Variants in IL1RAPL1 observed in about 807,000 individuals in gnomAD.
IL1RAPL1 encodes the protein interleukin 1 receptor accessory protein like 1.
Under a neutral mutation model 48.4 loss-of-function variants are expected in IL1RAPL1, and 3 were observed. That is an observed-to-expected ratio of 0.06 (90% CI 0.03 to 0.16). The LOEUF is 0.16. Among genes scored for constraint, IL1RAPL1 ranks in the 10% least tolerant of loss-of-function variants. The pLI is 1.00. For synonymous variants in IL1RAPL1, 185 were observed against 187.7 expected, an observed-to-expected ratio of 0.99 and a Z score of 0.12; for missense variants, 349 against 530.6, an observed-to-expected ratio of 0.66 and a Z score of 3.36.
At chrX:29,075,729 G>A (rs1458041049) in intron 2 of IL1RAPL1, among the ~76,000 whole-genome samples, 39 of 111,138 alleles carry the variant, frequency 3.5e-4, no homozygotes, top group Non-Finnish European at 1.5e-4. Flanking sequence ...TGGATACAAT[G>A]GTCATTTTGA....
chrX:29,635,795 GAAAA>G (rs199689857), intron 5 of IL1RAPL1, among the ~76,000 whole-genome samples: 34 of 97,803 alleles, frequency 3.5e-4, no homozygotes, highest in African/African-American at 1.2e-3. Context: ...GATGCTTCCG[GAAAA>G]AAAAAAAAAC....
intron 5 of IL1RAPL1, among the ~76,000 whole-genome samples, chrX:29,632,742 G>T (rs759014838): frequency 9.0e-6 from 1 of 111,065 alleles, no homozygotes; most frequent in Non-Finnish European, 1.9e-5. Context: ...GGAGTAGAAA[G>T]GAATCATGTC....
chrX:29,643,942 G>A (rs1342306639), intron 5 of IL1RAPL1, among the ~76,000 whole-genome samples: 1 of 111,813 alleles, frequency 8.9e-6, no homozygotes, highest in Non-Finnish European at 1.9e-5. Context: ...TCACTTAAAC[G>A]TCACAACAGG....
chrX:29,350,191 TTATATATATATATATATA>T lies in IL1RAPL1; in HGVS notation c.363-46051_363-46034del, dbSNP rs397897010. On this transcript the variant is annotated intron_variant, in intron 3 of 10. Coordinates refer to ENST00000378993, the MANE Select transcript of IL1RAPL1 (RefSeq NM_014271.4). ...CTCCCTTGGTCTACATACTGTTATT[TTATATATATATATATATA>T]TATATATATATATATGCTAAAATCA... Among the ~76,000 whole-genome samples, 19 of 39,432 alleles carry T rather than the reference TTATATATATATATATATA, an allele frequency of 4.8e-4. 1 individual carries two copies. The highest frequency in any genetic ancestry group is 3.3e-3 in the African/African-American group (19 of 5,754). 34.2% of individuals were successfully genotyped at this position (39,432 alleles called of 115,157 possible). A position where few individuals can be genotyped will look rare whatever the true frequency, so the allele number is the denominator to read the frequency against.
intron 9 of IL1RAPL1, among the ~76,000 whole-genome samples, chrX:29,942,360 C>G: frequency 9.0e-6 from 1 of 110,991 alleles, no homozygotes. Context: ...CATAGTAATG[C>G]ATCTCATATT....
intron 1 of IL1RAPL1, among the ~76,000 whole-genome samples, chrX:28,760,328 A>T (rs1006700970): frequency 1.8e-5 from 2 of 112,093 alleles, no homozygotes; most frequent in Non-Finnish European, 3.8e-5. Flanking sequence ...CTTGATTTTT[A>T]TTGAATAATA....
At chrX:29,490,542 C>CA (rs772987034) in intron 5 of IL1RAPL1, among the ~76,000 whole-genome samples, 1 of 110,848 alleles carries the variant, frequency 9.0e-6, no homozygotes, top group South Asian at 3.7e-4. Flanking sequence ...AAAACAAAAA[C>CA]AAAAAAAGAT....
chrX:29,481,869 G>A (rs915212325), intron 5 of IL1RAPL1, among the ~76,000 whole-genome samples: 3 of 111,717 alleles, frequency 2.7e-5, no homozygotes, highest in African/African-American at 6.5e-5. Flanking sequence ...GCCATTGGAA[G>A]TAATGGCAAA....
chrX:29,156,673 C>T (rs1265504507), intron 2 of IL1RAPL1, among the ~76,000 whole-genome samples: 1 of 111,643 alleles, frequency 9.0e-6, no homozygotes, highest in Non-Finnish European at 1.9e-5. Context: ...TGCTCAGTTG[C>T]AAGTCATCAC....
intron 1 of IL1RAPL1, among the ~76,000 whole-genome samples, chrX:28,617,277 C>T (rs1030870866): frequency 1.8e-5 from 2 of 111,444 alleles, no homozygotes; most frequent in African/African-American, 6.5e-5. Context: ...CACCCCCATG[C>T]CATTCCTATC....
intron 1 of IL1RAPL1, among the ~76,000 whole-genome samples, chrX:28,693,464 C>T (rs1019509316): frequency 1.8e-5 from 2 of 112,129 alleles, no homozygotes; most frequent in African/African-American, 3.2e-5. Context: ...ATGTACTGTC[C>T]ATCCAAATTG....
chrX:28,742,222 A>G (rs1202214410), intron 1 of IL1RAPL1, among the ~76,000 whole-genome samples: 2 of 111,283 alleles, frequency 1.8e-5, no homozygotes, highest in Admixed American at 9.6e-5. Flanking sequence ...AAACAAATTA[A>G]AATACCAGTA....
chrX:28,596,643 G>T (rs1933958810), intron 1 of IL1RAPL1, among the ~76,000 whole-genome samples: 1 of 111,479 alleles, frequency 9.0e-6, no homozygotes, highest in African/African-American at 3.3e-5. Context: ...ATATAAAATG[G>T]TCTCGTATTT....
chrX:29,679,549 C>T (rs749803295), intron 6 of IL1RAPL1, among the ~76,000 whole-genome samples: 3 of 111,566 alleles, frequency 2.7e-5, no homozygotes, highest in Non-Finnish European at 5.6e-5. Context: ...GATTAAAAGA[C>T]TTAAACAAGA....
intron 3 of IL1RAPL1, among the ~76,000 whole-genome samples, chrX:29,293,602 A>G (rs1438422507): frequency 4.5e-5 from 5 of 111,682 alleles, no homozygotes; most frequent in Middle Eastern, 4.6e-3. Flanking sequence ...ATGAATCACC[A>G]TAGGCCCTTT....
intron 5 of IL1RAPL1, among the ~76,000 whole-genome samples, chrX:29,416,463 G>T (rs764414188): frequency 4.5e-5 from 5 of 111,001 alleles, no homozygotes; most frequent in Admixed American, 9.7e-5. Flanking sequence ...TTGAACTTGG[G>T]GGGGCAGAGG....
chrX:29,493,405 G>A (rs930332291), intron 5 of IL1RAPL1, among the ~76,000 whole-genome samples: 1 of 111,916 alleles, frequency 8.9e-6, no homozygotes, highest in African/African-American at 3.2e-5. Context: ...ATGTAAATAC[G>A]ATTTATTTAT....
intron 2 of IL1RAPL1, among the ~76,000 whole-genome samples, chrX:28,988,633 A>T (rs777168195): frequency 8.9e-6 from 1 of 112,121 alleles, no homozygotes. Flanking sequence ...CCTGGAAAGA[A>T]GTACCCACTC....
intron 2 of IL1RAPL1, among the ~76,000 whole-genome samples, chrX:28,995,272 A>G (rs1925701660): frequency 8.9e-6 from 1 of 112,016 alleles, no homozygotes; most frequent in Non-Finnish European, 1.9e-5. Flanking sequence ...GTTTTAAAAT[A>G]AGAAAACCTG....
Sources: gnomAD v4.1 joint callset for allele counts (sites outside exome capture counted in the v4.1 genomes callset) on GRCh38, gnomAD v4.1.1 for gene constraint, MANE v1.5 for transcripts, NCBI Gene and HGNC (gene_info 2026-07-23, HGNC 2026-07-21) for gene names.